CALN1: variants seen among roughly 807,000 people sequenced by gnomAD.
The protein encoded by CALN1 is calcium-binding protein 8.
Under a neutral mutation model 30.6 loss-of-function variants are expected in CALN1, and 17 were observed. The ratio of observed to expected loss-of-function variants is 0.56; its 90% confidence interval spans 0.38 to 0.83. CALN1 has a LOEUF of 0.83. CALN1 is among the 40% of genes least tolerant of loss of function. The pLI is 0.00. For missense variants in CALN1, 291 were observed against 354.9 expected, an observed-to-expected ratio of 0.82 and a Z score of 1.45; for synonymous variants, 156 against 131.4, an observed-to-expected ratio of 1.19 and a Z score of -1.28.
At chr7:71,829,722 C>T (rs1167245598) in intron 5 of CALN1, among the ~76,000 whole-genome samples, 6 of 152,080 alleles carry the variant, frequency 3.9e-5, no homozygotes, top group East Asian at 1.9e-4. Flanking sequence ...CAACAGGGAG[C>T]CCACTCTATT....
At chr7:72,350,890 C>T (rs1802886661) in intron 2 of CALN1, among the ~76,000 whole-genome samples, 1 of 152,190 alleles carries the variant, frequency 6.6e-6, no homozygotes, top group Non-Finnish European at 1.5e-5. Flanking sequence ...CCTGTAATCC[C>T]AGCACTTTGG....
chr7:72,495,779 G>C, the CALN1 span, among the ~76,000 whole-genome samples: 1 of 152,180 alleles, frequency 6.6e-6, no homozygotes, highest in Non-Finnish European at 1.5e-5. Flanking sequence ...TGGATAGAAA[G>C]CCACAGAATT....
chr7:72,459,069 T>A, the CALN1 span, among the ~76,000 whole-genome samples: 1 of 144,486 alleles, frequency 6.9e-6, no homozygotes, highest in African/African-American at 2.6e-5. Flanking sequence ...GTGCCACCAC[T>A]CCTGGCTAAA....
intron 2 of CALN1, among the ~76,000 whole-genome samples, chr7:72,300,879 GC>G (rs1799213398): frequency 6.6e-6 from 1 of 152,100 alleles, no homozygotes; most frequent in South Asian, 2.1e-4. Context: ...TGTAATCCCA[GC>G]TACTCTGGAG....
At chr7:72,257,167 C>T (rs1052761565) in intron 3 of CALN1, among the ~76,000 whole-genome samples, 2 of 152,150 alleles carry the variant, frequency 1.3e-5, no homozygotes, top group African/African-American at 4.8e-5. Flanking sequence ...CTTACAAAAC[C>T]ATCAAATCTC....
chr7:72,277,147 C>G lies in CALN1; in HGVS notation c.244+1539G>C, dbSNP rs186319404. On this transcript the variant is annotated intron_variant, in intron 3 of 6. Transcript: ENST00000395275. ...CATCTATGAATCAGAAAGTGGCCCT[C>G]CCCAGACATCAAATCTGCTGGCATC... is the stretch of plus-strand genomic sequence containing the variant. Among the ~76,000 whole-genome samples, 420 of 152,238 alleles carry G rather than the reference C, an allele frequency of 2.8e-3. 4 individuals are homozygous for G. Among genetic ancestry groups the G allele is most frequent in the African/African-American group, 8.0e-3 (332 of 41,544 alleles).
intron 3 of CALN1, among the ~76,000 whole-genome samples, chr7:72,201,491 T>G (rs1193597619): frequency 2.6e-5 from 4 of 151,432 alleles, no homozygotes; most frequent in African/African-American, 9.7e-5. Flanking sequence ...CTCGGGAGGC[T>G]GAGGCAGGAG....
At position 71,831,880 on chromosome 7, in the gene CALN1, AAAAAAAAAAAAAAAAAAC is replaced by A. The variant is rs1289619466; in HGVS notation, c.502-21406_502-21389del. On this transcript the variant is annotated intron_variant, in intron 5 of 6. Coordinates refer to ENST00000395275, the MANE Select transcript of CALN1 (RefSeq NM_031468.4). ...GAGTGAAACCCTGCCTCAAAAAAAA[AAAAAAAAAAAAAAAAAAC>A]AAACCAAAAACAAGAAAACTAAATA... Among the ~76,000 whole-genome samples, 5 of 149,010 alleles carry A rather than the reference AAAAAAAAAAAAAAAAAAC, an allele frequency of 3.4e-5. No individual in the cohort carries two copies. The East Asian group carries it at 9.8e-4, about 29-fold the overall frequency.
chr7:72,152,791 G>C (rs1787356060), intron 3 of CALN1, among the ~76,000 whole-genome samples: 4 of 152,160 alleles, frequency 2.6e-5, no homozygotes, highest in Non-Finnish European at 5.9e-5. Context: ...CCAGGCTACA[G>C]ACTTGTTCCT....
chr7:72,095,352 A>C (rs1191577220), intron 4 of CALN1, among the ~76,000 whole-genome samples: 1 of 152,180 alleles, frequency 6.6e-6, no homozygotes, highest in Non-Finnish European at 1.5e-5. Context: ...TGAGCATTAC[A>C]CAAGTGTTAT....
At chr7:71,871,873 G>C (rs1033528968) in intron 5 of CALN1, among the ~76,000 whole-genome samples, 9 of 151,904 alleles carry the variant, frequency 5.9e-5, no homozygotes, top group African/African-American at 2.2e-4. Context: ...TCCCAGATCT[G>C]CTTTTTACCA....
chr7:71,805,440 T>C (rs1787550513), intron 6 of CALN1, among the ~76,000 whole-genome samples: 1 of 152,132 alleles, frequency 6.6e-6, no homozygotes, highest in African/African-American at 2.4e-5. Context: ...AGAAAAGAAT[T>C]TCATCACTTG....
intron 6 of CALN1, 34 bp downstream of exon 6, chr7:71,810,302 G>T (rs773604118): frequency 6.2e-7 from 1 of 1,607,202 alleles, no homozygotes; most frequent in Non-Finnish European, 8.5e-7. Flanking sequence ...GGCCTGTCCC[G>T]GACCGGGGAG....
intron 5 of CALN1, among the ~76,000 whole-genome samples, chr7:71,910,936 C>T (rs559842125): frequency 3.3e-5 from 5 of 152,192 alleles, no homozygotes; most frequent in African/African-American, 7.2e-5. Flanking sequence ...AAATAAACGC[C>T]CAACAGAAGC....
chr7:72,181,096 A>AACCCCCC (rs1789755682), intron 3 of CALN1, among the ~76,000 whole-genome samples: 1 of 74,616 alleles, frequency 1.3e-5, no homozygotes, highest in African/African-American at 5.2e-5. Context: ...AAACTGCATA[A>AACCCCCC]CCCCCCCCCC....
the CALN1 span, among the ~76,000 whole-genome samples, chr7:72,497,076 A>C: frequency 6.6e-6 from 1 of 152,126 alleles, no homozygotes; most frequent in Non-Finnish European, 1.5e-5. Flanking sequence ...ATGAGCCCAG[A>C]GGAAAGGAAT....
chr7:72,168,210 C>T (rs899681912), intron 3 of CALN1, among the ~76,000 whole-genome samples: 1 of 146,020 alleles, frequency 6.8e-6, no homozygotes, highest in African/African-American at 2.6e-5. Flanking sequence ...TTTCTCAACA[C>T]ATACTTAATT....
intron 2 of CALN1, among the ~76,000 whole-genome samples, chr7:72,367,636 A>G (rs930840148): frequency 2.6e-5 from 4 of 152,084 alleles, no homozygotes; most frequent in Non-Finnish European, 5.9e-5. Context: ...ACAAATAAAA[A>G]TAAAAATAAA....
intron 2 of CALN1, among the ~76,000 whole-genome samples, chr7:72,286,815 G>C (rs934217269): frequency 4.6e-5 from 7 of 152,144 alleles, no homozygotes; most frequent in African/African-American, 1.7e-4. Flanking sequence ...TCAAGAAGAA[G>C]TACAGCAAAA....
Sources: allele counts gnomAD v4.1 joint callset (sites outside exome capture counted in the v4.1 genomes callset), GRCh38; gene constraint gnomAD v4.1.1; transcripts MANE v1.5; gene names NCBI Gene and HGNC (gene_info 2026-07-23, HGNC 2026-07-21).